The following MINPP1 variants were observed in gnomAD, a reference collection of about 807,000 sequenced individuals.
MINPP1 encodes the protein multiple inositol polyphosphate phosphatase 1.
MINPP1 carries 28 observed loss-of-function variants against 46.1 expected under a neutral mutation model. The observed-to-expected ratio is 0.61, with a 90% CI of 0.45 to 0.83. The LOEUF is 0.83. MINPP1 is among the 40% of genes least tolerant of loss of function. The pLI is 0.00. For synonymous variants in MINPP1, 268 were observed against 249.1 expected (o/e 1.08, Z -0.72); for missense variants, 603 against 610.0 (o/e 0.99, Z 0.12).
intron 4 of MINPP1, among the ~76,000 whole-genome samples, chr10:87,537,529 G>C (rs868019385): frequency 5.3e-5 from 8 of 151,448 alleles, no homozygotes; most frequent in Admixed American, 2.6e-4. Context: ...GTGTGTGTGT[G>C]TGTGTGTGTG....
intron 4 of MINPP1, among the ~76,000 whole-genome samples, chr10:87,530,624 C>A (rs1221277386): frequency 1.3e-5 from 2 of 152,124 alleles, no homozygotes; most frequent in Non-Finnish European, 2.9e-5. Flanking sequence ...TGGGAGGTGC[C>A]CCCCCAGTTA....
At position 87,505,371 on chromosome 10, in the gene MINPP1, G is replaced by A; in HGVS notation, c.456G>A (p.Gln152=). 1 of 1,614,044 alleles carries A rather than the reference G, an allele frequency of 6.2e-7. No individual in the cohort carries two copies. Among genetic ancestry groups the A allele is most frequent in the Non-Finnish European group, 8.5e-7 (1 of 1,179,942 alleles). The change falls in exon 1 of 5, where the codon CAG becomes CAA. Residue 152 remains glutamine (Q), a synonymous_variant. Coordinates refer to ENST00000371996, the MANE Select transcript of MINPP1 (RefSeq NM_004897.5). The surrounding 1 kb of genome is among the most constrained non-coding windows in gnomAD (Gnocchi z 4.4). ...MDGQLVEKGR[Q]DMRQLALRLA... The stretch of plus-strand genomic sequence containing the variant: ...GGCAGCTAGTAGAGAAGGGACGGCA[G>A]GATATGCGACAGCTGGCGCTGCGTC...
chr10:87,514,699 C>T lies in MINPP1; in HGVS notation c.933+1478C>T, dbSNP rs1004034367. Among the ~76,000 whole-genome samples, 5 of 152,186 alleles carry T rather than the reference C, an allele frequency of 3.3e-5. No individual in the cohort carries two copies. The East Asian group carries it at 9.7e-4, about 29-fold the overall frequency. On this transcript the variant is annotated intron_variant, in intron 3 of 4. Transcript: ENST00000371996. ...ATCATATCAGAAGGACTGATGTCTG[C>T]TTGTCATGTCATTGATTATTATTAC...
intron 4 of MINPP1, among the ~76,000 whole-genome samples, chr10:87,528,757 A>G (rs553102139): frequency 6.0e-4 from 92 of 152,108 alleles, no homozygotes; most frequent in Middle Eastern, 3.4e-3. Context: ...CAATTCCTGG[A>G]TATCCTTGTT....
chr10:87,505,144 A>G lies in MINPP1; in HGVS notation c.229A>G (p.Thr77Ala), dbSNP rs776979333. 1 of 1,611,306 alleles carries G rather than the reference A, an allele frequency of 6.2e-7. No individual in the cohort carries two copies. Among genetic ancestry groups the G allele is most frequent in the Non-Finnish European group, 8.5e-7 (1 of 1,179,046 alleles). Residue 77 changes from threonine (T) to alanine (A), a missense_variant, in exon 1 of 5, where the codon ACC becomes GCC. Physicochemically the swap from Thr to Ala is moderately conservative, Grantham distance 58. Transcript: ENST00000371996. This position sits in a 1 kb window ranked among gnomAD's most constrained non-coding sequence, Gnocchi z 4.4. ...GCGGGACCCTGAGCTGCTGGAGGGGACCTGCACCCCGGTGCAGCTGGTCGC... is the reference window on the plus strand; with the variant it reads ...GCGGGACCCTGAGCTGCTGGAGGGGGCCTGCACCCCGGTGCAGCTGGTCGC... Reference protein sequence around the residue: ...PWRDPELLEGTCTPVQLVALI... With the variant: ...PWRDPELLEGACTPVQLVALI...
At chr10:87,549,682 G>C (rs1233132558) in intron 4 of MINPP1, among the ~76,000 whole-genome samples, 1 of 152,176 alleles carries the variant, frequency 6.6e-6, no homozygotes, top group Non-Finnish European at 1.5e-5. Context: ...AAAGAGGAGA[G>C]AGTTACTGAC....
At chr10:87,540,369 G>A (rs1366784803) in intron 4 of MINPP1, among the ~76,000 whole-genome samples, 1 of 152,112 alleles carries the variant, frequency 6.6e-6, no homozygotes, top group South Asian at 2.1e-4. Flanking sequence ...TATAAACTGA[G>A]AAGGAATTCG....
At chr10:87,526,008 A>G (rs1403702715) in intron 4 of MINPP1, among the ~76,000 whole-genome samples, 7 of 152,248 alleles carry the variant, frequency 4.6e-5, no homozygotes, top group Admixed American at 3.9e-4. Context: ...TAGTGCCGCA[A>G]TAAACATACA....
intron 4 of MINPP1, among the ~76,000 whole-genome samples, chr10:87,528,016 T>C: frequency 6.6e-6 from 1 of 152,254 alleles, no homozygotes; most frequent in South Asian, 2.1e-4. Flanking sequence ...TACTATTCTC[T>C]GATGATAGTT....
At chr10:87,545,215 A>G (rs1431693425) in intron 4 of MINPP1, among the ~76,000 whole-genome samples, 2 of 152,120 alleles carry the variant, frequency 1.3e-5, no homozygotes, top group African/African-American at 2.4e-5. Flanking sequence ...TATTATATGA[A>G]TTATTATGGC....
intron 4 of MINPP1, among the ~76,000 whole-genome samples, chr10:87,525,835 T>C (rs1851569042): frequency 1.3e-5 from 2 of 152,346 alleles, no homozygotes; most frequent in African/African-American, 4.8e-5. Flanking sequence ...GATAGTTTGC[T>C]CAGAATGATG....
At chr10:87,542,240 A>G (rs1008622666) in intron 4 of MINPP1, among the ~76,000 whole-genome samples, 3 of 152,214 alleles carry the variant, frequency 2.0e-5, no homozygotes, top group Non-Finnish European at 2.9e-5. Flanking sequence ...AGAAAGGGGC[A>G]GTAGGCTCTG....
At chr10:87,523,517 A>AT (rs57091221) in intron 4 of MINPP1, among the ~76,000 whole-genome samples, 1 of 141,014 alleles carries the variant, frequency 7.1e-6, no homozygotes, top group African/African-American at 2.6e-5. Context: ...CACCCAGCTA[A>AT]TTTTTTTTTT....
intron 4 of MINPP1, among the ~76,000 whole-genome samples, chr10:87,532,152 T>G (rs976609925): frequency 2.6e-5 from 4 of 152,244 alleles, no homozygotes; most frequent in Admixed American, 2.6e-4. Context: ...AACAAGAGCT[T>G]TGTGAGACTT....
intron 1 of MINPP1, among the ~76,000 whole-genome samples, chr10:87,507,507 A>G (rs986261732): frequency 6.6e-6 from 1 of 151,050 alleles, no homozygotes; most frequent in Non-Finnish European, 1.5e-5. Flanking sequence ...TTTTTTTTGC[A>G]TACACATCCA....
At chr10:87,507,920 A>C in intron 1 of MINPP1, 1 of 1,222,338 alleles carries the variant, frequency 8.2e-7, no homozygotes, top group Non-Finnish European at 1.0e-6. Flanking sequence ...GAGAAAATAA[A>C]ATACTCTGTT....
At chr10:87,539,782 T>C (rs926093905) in intron 4 of MINPP1, among the ~76,000 whole-genome samples, 7 of 152,230 alleles carry the variant, frequency 4.6e-5, no homozygotes, top group African/African-American at 1.7e-4. Flanking sequence ...ATGTCCTTTG[T>C]GAAAGTTAAG....
chr10:87,546,893 G>C (rs1283211878), intron 4 of MINPP1, among the ~76,000 whole-genome samples: 1 of 152,146 alleles, frequency 6.6e-6, no homozygotes, highest in Admixed American at 6.5e-5. Flanking sequence ...TCACACCACT[G>C]TATTCCAGCC....
intron 4 of MINPP1, among the ~76,000 whole-genome samples, chr10:87,544,134 C>A (rs140183329): frequency 4.3e-4 from 65 of 152,350 alleles, no homozygotes; most frequent in Non-Finnish European, 8.2e-4. Context: ...CTCTGGAACA[C>A]CTGACTGACT....
Sources: gnomAD v4.1 joint callset for allele counts (sites outside exome capture counted in the v4.1 genomes callset) on GRCh38, gnomAD v4.1.1 for gene constraint, Gnocchi (gnomAD v3.1) non-coding constraint, MANE v1.5 for transcripts, NCBI Gene and HGNC (gene_info 2026-07-23, HGNC 2026-07-21) for gene names.